Variants in NUDT9 observed in about 807,000 individuals in gnomAD.
NUDT9 encodes the protein nudix hydrolase 9.
NUDT9 carries 31 observed loss-of-function variants against 41.0 expected under a neutral mutation model. That is an observed-to-expected ratio of 0.76 (90% CI 0.57 to 1.02). The LOEUF (loss-of-function observed/expected upper bound fraction) is 1.02. Among genes scored for constraint, NUDT9 ranks in the 50% least tolerant of loss-of-function variants. The probability of loss-of-function intolerance (pLI) is 0.00; values close to 1 mark genes in which losing one functional copy is unlikely to be tolerated. For missense variants in NUDT9, 380 were observed against 431.4 expected (o/e 0.88, Z 1.06); for synonymous variants, 146 against 147.6 (o/e 0.99, Z 0.08).
chr4:87,431,216 A>G (rs1721672582), intron 1 of NUDT9, among the ~76,000 whole-genome samples: 1 of 152,166 alleles, frequency 6.6e-6, no homozygotes, highest in African/African-American at 2.4e-5. Flanking sequence ...CCCTGTTGAA[A>G]TGGTCTTGGT....
intron 4 of NUDT9, among the ~76,000 whole-genome samples, chr4:87,447,761 G>A (rs1025865662): frequency 1.3e-5 from 2 of 152,052 alleles, no homozygotes; most frequent in Admixed American, 6.6e-5. Flanking sequence ...AAGCAGGGCC[G>A]GGTGGCTTAC....
rs560687817 is a variant in NUDT9, at chr4:87,444,233, C to T, written c.530+2318C>T. 2.0e-5 allele frequency among the ~76,000 whole-genome samples: 3 copies of T among 152,152 alleles called. No homozygotes were observed. The South Asian group carries it at 6.2e-4, about 32-fold the overall frequency. ...TTTTGATATTTTGGGGGCTTTTCTT[C>T]AAGGAGACTCTGTTTTTCTTTGATC... is the stretch of plus-strand genomic sequence containing the variant. On this transcript the variant is annotated intron_variant, in intron 4 of 7. Transcript: ENST00000302174.
chr4:87,453,578 C>G (rs1454792530), intron 6 of NUDT9, among the ~76,000 whole-genome samples: 1 of 151,694 alleles, frequency 6.6e-6, no homozygotes, highest in Non-Finnish European at 1.5e-5. Context: ...TACAGGTGTT[C>G]TCCACCATGC....
At chr4:87,439,546 C>T (rs1421158077) in intron 3 of NUDT9, among the ~76,000 whole-genome samples, 2 of 152,110 alleles carry the variant, frequency 1.3e-5, no homozygotes, top group East Asian at 3.9e-4. Flanking sequence ...ATTCCAGCTA[C>T]TCGGGAGGCT....
rs971394958 is a variant in NUDT9, at chr4:87,458,114, T to C, written c.*93T>C. ...AATTTATACTATAAAAAGGGCAGGG[T>C]AGGCCACTTGGCCTATTTACTTTCA... On this transcript the variant is annotated 3_prime_UTR_variant, in exon 8 of 8. Coordinates refer to ENST00000302174, the MANE Select transcript of NUDT9 (RefSeq NM_024047.5). 2 of 1,212,530 alleles carry C rather than the reference T, an allele frequency of 1.6e-6. No homozygotes were observed. The highest frequency in any genetic ancestry group is 2.2e-6 in the Non-Finnish European group (2 of 918,170). 75.1% of individuals were successfully genotyped at this position (1,212,530 alleles called of 1,614,324 possible).
Position 87,435,073 on chromosome 4 carries a change from C to T in NUDT9, c.200C>T (p.Thr67Met), listed in dbSNP as rs1012486712. 75 of 1,614,028 alleles carry T rather than the reference C, an allele frequency of 4.6e-5. No individual in the cohort carries two copies. Among genetic ancestry groups the T allele is most frequent in the Middle Eastern group, 1.6e-4 (1 of 6,084 alleles). The change falls in exon 2 of 8, where the codon ACG (threonine) becomes ATG (methionine). Residue 67 changes from threonine to methionine, a missense_variant. By Grantham distance (81) the Thr-to-Met change is moderately conservative (BLOSUM62 -1). Coordinates refer to ENST00000302174, the MANE Select transcript of NUDT9 (RefSeq NM_024047.5). Reference sequence around the variant, plus strand: ...GAAAATTCTCACAATAAGGCTCGGACGTCTCCTTACCCAGGTTCAAAAGTT... The same window carrying T: ...GAAAATTCTCACAATAAGGCTCGGATGTCTCCTTACCCAGGTTCAAAAGTT... Reference protein sequence around the residue: ...SKENSHNKARTSPYPGSKVER... With the variant: ...SKENSHNKARMSPYPGSKVER...
Position 87,459,279 on chromosome 4 carries a change from A to T in NUDT9, c.*1258A>T, listed in dbSNP as rs947503908. On this transcript the variant is annotated 3_prime_UTR_variant, in exon 8 of 8. Coordinates refer to ENST00000302174, the MANE Select transcript of NUDT9 (RefSeq NM_024047.5). ...ATGGGAACAACACATTCTGGGGTCT[A>T]TTGGAGGGTGGGAGGAGGGAGAGGA... 6.6e-6 allele frequency: 1 copy of T among 152,192 alleles called. No individual in the cohort carries two copies. The highest frequency in any genetic ancestry group is 2.4e-5 in the African/African-American group (1 of 41,458). The allele number at this position is 152,192 out of a possible 1,614,324, so 9.4% of individuals were successfully genotyped here. A position where few individuals can be genotyped will look rare whatever the true frequency, so the allele number is the denominator to read the frequency against.
intron 4 of NUDT9, among the ~76,000 whole-genome samples, chr4:87,442,565 CTT>C (rs1334702628): frequency 1.3e-5 from 2 of 152,168 alleles, no homozygotes; most frequent in Non-Finnish European, 2.9e-5. Flanking sequence ...TCTTTATAAA[CTT>C]AAACATTTTT....
At chr4:87,436,668 A>G (rs73839785) in intron 2 of NUDT9, among the ~76,000 whole-genome samples, 4,538 of 152,182 alleles carry the variant, frequency 0.03, 213 homozygotes, top group African/African-American at 0.1. Context: ...CTGGTTTTAT[A>G]ATTTCATGGT....
chr4:87,433,167 A>G (rs1472130902), intron 1 of NUDT9, among the ~76,000 whole-genome samples: 2 of 152,140 alleles, frequency 1.3e-5, no homozygotes, highest in Non-Finnish European at 1.5e-5. Context: ...ACTTTAAAAA[A>G]ATTCACCTTT....
In NUDT9 at chr4:87,449,118, A is replaced by G. The variant is rs759579531; in HGVS notation, c.531-24A>G. 2.0e-5 allele frequency: 27 copies of G among 1,340,788 alleles called. No homozygotes were observed. The South Asian group carries it at 3.1e-4, about 15-fold the overall frequency. The allele number at this position is 1,340,788 out of a possible 1,614,324, so 83.1% of individuals were successfully genotyped here. Reference sequence around the variant, plus strand: ...CCTTAGTTTTTGTTGTAAATCCGTTATGATTTTATATTACTATTCACAGAT... The same window carrying G: ...CCTTAGTTTTTGTTGTAAATCCGTTGTGATTTTATATTACTATTCACAGAT... On this transcript the variant is annotated intron_variant, in intron 4 of 7. Coordinates refer to ENST00000302174, the MANE Select transcript of NUDT9 (RefSeq NM_024047.5).
At chr4:87,438,453 T>C (rs536518404) in intron 3 of NUDT9, 81 bp downstream of exon 3, 42 of 761,256 alleles carry the variant, frequency 5.5e-5, no homozygotes, top group Admixed American at 5.1e-4. Flanking sequence ...CAAATCCTTG[T>C]ATGTGCCAGA....
rs775299708 is a variant in NUDT9, at chr4:87,435,019, A to G, written c.146A>G (p.Asn49Ser). The change falls in exon 2 of 8, where the codon AAC becomes AGC. Residue 49 changes from asparagine (N) to serine (S), a missense_variant. Coordinates refer to ENST00000302174, the MANE Select transcript of NUDT9 (RefSeq NM_024047.5). ...TCTTCTTGGTTTCATCTTAATACCAACGTCATGTCTGGTTCTAATGGTTCC... is the reference window on the plus strand; with the variant it reads ...TCTTCTTGGTTTCATCTTAATACCAGCGTCATGTCTGGTTCTAATGGTTCC... ...FSSSWFHLNTNVMSGSNGSKE... is the reference protein window; with the variant it reads ...FSSSWFHLNTSVMSGSNGSKE... 71 of 1,613,816 alleles carry G rather than the reference A, an allele frequency of 4.4e-5. 1 individual carries two copies. The South Asian group carries it at 6.7e-4, about 15-fold the overall frequency.
At chr4:87,450,110 G>T (rs1467142267) in intron 5 of NUDT9, among the ~76,000 whole-genome samples, 2 of 152,010 alleles carry the variant, frequency 1.3e-5, no homozygotes, top group Non-Finnish European at 2.9e-5. Context: ...CAATCTGCCT[G>T]CCCCGGGGCC....
intron 7 of NUDT9, among the ~76,000 whole-genome samples, chr4:87,456,152 T>C (rs1722982677): frequency 6.6e-6 from 1 of 152,230 alleles, no homozygotes; most frequent in Admixed American, 6.5e-5. Context: ...AAATGAGGTC[T>C]GAAGCATGCC....
At chr4:87,441,948 A>C (rs1256893621) in intron 4 of NUDT9, 33 bp downstream of exon 4, 4 of 1,495,914 alleles carry the variant, frequency 2.7e-6, no homozygotes, top group Non-Finnish European at 3.6e-6. Context: ...TCAGTAGCAA[A>C]GAGCTAAGTG....
At chr4:87,423,088 C>A in intron 1 of NUDT9, 76 bp downstream of exon 1, 3 of 1,080,712 alleles carry the variant, frequency 2.8e-6, no homozygotes, top group East Asian at 2.5e-5. Flanking sequence ...TTTTTTCTGG[C>A]GTATTCTGTA....
At chr4:87,443,445 G>T (rs889374512) in intron 4 of NUDT9, among the ~76,000 whole-genome samples, 1 of 152,108 alleles carries the variant, frequency 6.6e-6, no homozygotes, top group Non-Finnish European at 1.5e-5. Flanking sequence ...ACATCTATTT[G>T]TTCTCAGCAT....
intron 4 of NUDT9, 142 bp downstream of exon 4, chr4:87,442,057 A>G (rs1722226412): frequency 4.9e-6 from 3 of 607,282 alleles, no homozygotes; most frequent in Non-Finnish European, 8.6e-6. Context: ...GTATACAGTC[A>G]TGCATTGCTT....
Sources: gnomAD v4.1 joint callset for allele counts (sites outside exome capture counted in the v4.1 genomes callset) on GRCh38, gnomAD v4.1.1 for gene constraint, MANE v1.5 for transcripts, NCBI Gene and HGNC (gene_info 2026-07-23, HGNC 2026-07-21) for gene names.